The following MAF variants were observed in gnomAD, a reference collection of about 807,000 sequenced individuals.
The protein encoded by MAF is transcription factor Maf.
Under a neutral mutation model 22.0 loss-of-function variants are expected in MAF, and 10 were observed. The observed-to-expected ratio is 0.45, with a 90% CI of 0.28 to 0.77. The LOEUF (loss-of-function observed/expected upper bound fraction) is 0.77. Ranked by LOEUF, MAF falls within the 30% of genes least tolerant of loss-of-function variation. The probability of loss-of-function intolerance (pLI) is 0.12; values close to 1 mark genes in which losing one functional copy is unlikely to be tolerated. For synonymous variants in MAF, 337 were observed against 255.8 expected, an observed-to-expected ratio of 1.32 and a Z score of -3.03; for missense variants, 544 against 548.4, an observed-to-expected ratio of 0.99 and a Z score of 0.08.
chr16:79,363,108 T>C, the MAF span, among the ~76,000 whole-genome samples: 2 of 152,018 alleles, frequency 1.3e-5, no homozygotes, highest in Non-Finnish European at 2.9e-5. Context: ...GAGGGGCAAA[T>C]CTGTTTATCT....
At chr16:79,214,010 A>G in the MAF span, among the ~76,000 whole-genome samples, 5 of 151,928 alleles carry the variant, frequency 3.3e-5, no homozygotes, top group South Asian at 2.1e-4. Flanking sequence ...TGCCAAGCAC[A>G]CTCCCAACTC....
chr16:79,436,032 G>C, the MAF span, among the ~76,000 whole-genome samples: 1 of 152,256 alleles, frequency 6.6e-6, no homozygotes, highest in East Asian at 1.9e-4. Flanking sequence ...CAAAACCTAT[G>C]ACTCAATTTG....
the MAF span, among the ~76,000 whole-genome samples, chr16:79,294,809 G>C: frequency 1.2e-3 from 188 of 152,156 alleles, 4 homozygotes; most frequent in Non-Finnish European, 3.8e-4. Flanking sequence ...CCTCAACCGA[G>C]TAAGGGATCA....
At chr16:79,309,489 T>C in the MAF span, among the ~76,000 whole-genome samples, 3 of 152,244 alleles carry the variant, frequency 2.0e-5, no homozygotes, top group Admixed American at 1.3e-4. Context: ...GGTTTTTATA[T>C]GTAAACGGTT....
At chr16:79,407,469 CTT>C in the MAF span, among the ~76,000 whole-genome samples, 1 of 152,180 alleles carries the variant, frequency 6.6e-6, no homozygotes, top group African/African-American at 2.4e-5. Flanking sequence ...CTTCCTCCCT[CTT>C]TCCCTCTCTC....
At chr16:79,539,004 C>A in the MAF span, among the ~76,000 whole-genome samples, 5 of 151,888 alleles carry the variant, frequency 3.3e-5, no homozygotes, top group African/African-American at 7.3e-5. Context: ...GGAACAAAAA[C>A]GGCCATAAAT....
In MAF at chr16:79,597,399, C is replaced by A. The variant is rs1026592302; in HGVS notation, c.1118+1386G>T. 4.8e-6 allele frequency: 5 copies of A among 1,032,034 alleles called. No individual in the cohort carries two copies. In the African/African-American group the frequency reaches 8.4e-5, roughly 17 times the overall value. 63.9% of individuals were successfully genotyped at this position (1,032,034 alleles called of 1,614,324 possible). On this transcript the variant is annotated intron_variant, in intron 1 of 1. Coordinates refer to ENST00000326043, the MANE Select transcript of MAF (RefSeq NM_005360.5). The stretch of plus-strand genomic sequence containing the variant: ...ATAAAACAAACCAAAAATAATGGGG[C>A]AGTTTCTCTTTTTAAAAAATAAATT...
At chr16:79,302,463 T>C in the MAF span, among the ~76,000 whole-genome samples, 1 of 152,226 alleles carries the variant, frequency 6.6e-6, no homozygotes, top group African/African-American at 2.4e-5. Context: ...TCAACCCACA[T>C]GGCTGATGCC....
At chr16:79,535,613 G>C in the MAF span, among the ~76,000 whole-genome samples, 1 of 117,836 alleles carries the variant, frequency 8.5e-6, no homozygotes, top group Non-Finnish European at 1.7e-5. Flanking sequence ...TTCCGAGACA[G>C]AGTTTTGCTC....
chr16:79,390,059 C>G, the MAF span, among the ~76,000 whole-genome samples: 1 of 147,616 alleles, frequency 6.8e-6, no homozygotes, highest in Non-Finnish European at 1.5e-5. Context: ...AAAATCTTCA[C>G]ATGGCATGTG....
At chr16:79,365,913 T>A in the MAF span, among the ~76,000 whole-genome samples, 3 of 152,380 alleles carry the variant, frequency 2.0e-5, no homozygotes, top group East Asian at 5.8e-4. Context: ...TAGTATGTGA[T>A]CATCTGACCT....
the MAF span, among the ~76,000 whole-genome samples, chr16:79,552,851 T>C: frequency 3.5e-4 from 54 of 152,336 alleles, no homozygotes; most frequent in East Asian, 5.4e-3. Flanking sequence ...TGTTGACACA[T>C]GAGAGACCAG....
the MAF span, among the ~76,000 whole-genome samples, chr16:79,433,051 C>A: frequency 6.6e-6 from 1 of 152,096 alleles, no homozygotes; most frequent in East Asian, 1.9e-4. Context: ...TGACTAAACC[C>A]CACAGCACGT....
the MAF span, among the ~76,000 whole-genome samples, chr16:79,539,329 C>G: frequency 6.6e-6 from 1 of 152,110 alleles, no homozygotes; most frequent in Non-Finnish European, 1.5e-5. Flanking sequence ...ATGGTAAAAC[C>G]CTGTATCTGC....
chr16:79,329,403 A>T, the MAF span, among the ~76,000 whole-genome samples: 1 of 152,300 alleles, frequency 6.6e-6, no homozygotes, highest in East Asian at 1.9e-4. Context: ...CACGCAAATG[A>T]GATTTCACAA....
chr16:79,235,802 C>G, the MAF span, among the ~76,000 whole-genome samples: 5 of 152,078 alleles, frequency 3.3e-5, no homozygotes, highest in African/African-American at 1.2e-4. Flanking sequence ...AGGCACACCA[C>G]TAGCATTAGT....
the MAF span, among the ~76,000 whole-genome samples, chr16:79,310,596 G>A: frequency 6.6e-6 from 1 of 152,176 alleles, no homozygotes. Flanking sequence ...TGAAACAAAG[G>A]CTCCTGTATC....
At chr16:79,369,385 T>C in the MAF span, among the ~76,000 whole-genome samples, 117 of 152,290 alleles carry the variant, frequency 7.7e-4, no homozygotes, top group African/African-American at 2.6e-3. Flanking sequence ...CCAAAGCCCA[T>C]ATTTTTCTAT....
the MAF span, among the ~76,000 whole-genome samples, chr16:79,464,254 G>A: frequency 6.6e-6 from 1 of 152,160 alleles, no homozygotes; most frequent in Non-Finnish European, 1.5e-5. Flanking sequence ...TGACTCCAGA[G>A]GCCAGACAGG....
Sources: gnomAD v4.1 joint callset for allele counts (sites outside exome capture counted in the v4.1 genomes callset) on GRCh38, gnomAD v4.1.1 for gene constraint, MANE v1.5 for transcripts, NCBI Gene and HGNC (gene_info 2026-07-23, HGNC 2026-07-21) for gene names.